Variants in CDH1 observed in about 807,000 individuals in gnomAD.
CDH1 encodes the protein cadherin 1, also known as cadherin-1.
In CDH1, 35 loss-of-function variants were observed where a neutral mutation model predicts 84.5. That is an observed-to-expected ratio of 0.41 (90% confidence interval 0.32 to 0.55). The LOEUF is 0.55. CDH1 is among the 20% of genes least tolerant of loss of function. CDH1 has a pLI of 0.19. For missense variants in CDH1, 994 were observed against 1,126.6 expected (o/e 0.88, Z 1.68); for synonymous variants, 417 against 439.0 (o/e 0.95, Z 0.63).
chr16:68,821,918 A>C, intron 11 of CDH1, 83 bp from the exon 12 acceptor site: 1 of 1,096,842 alleles, frequency 9.1e-7, no homozygotes, highest in Non-Finnish European at 1.4e-6. Context: ...AGCCAGGACA[A>C]GATCTAGACT....
intron 3 of CDH1, among the ~76,000 whole-genome samples, chr16:68,806,122 A>ATGTTTATTTATTTATT (rs377407300): frequency 5.5e-5 from 8 of 144,434 alleles, no homozygotes; most frequent in African/African-American, 2.1e-4. Context: ...TAATTTTTGT[A>ATGTTTATTTATTTATT]TATTTATTTA....
At chr16:68,781,941 C>G (rs1959892294) in intron 2 of CDH1, among the ~76,000 whole-genome samples, 1 of 152,160 alleles carries the variant, frequency 6.6e-6, no homozygotes, top group African/African-American at 2.4e-5. Flanking sequence ...GCACTCACTG[C>G]TAAGGCCTCA....
intron 9 of CDH1, among the ~76,000 whole-genome samples, chr16:68,815,062 C>A (rs1348847478): frequency 6.6e-6 from 1 of 151,922 alleles, no homozygotes; most frequent in Non-Finnish European, 1.5e-5. Flanking sequence ...GTCGTCTCTA[C>A]TAAAAATACA....
rs1178759799 is a variant in CDH1 at position 68,822,179 on chromosome 16, A to G, written c.1890A>G (p.Leu630=). 2.5e-6 allele frequency: 4 copies of G among 1,614,108 alleles called. No homozygotes were observed. The highest frequency in any genetic ancestry group is 2.5e-6 in the Non-Finnish European group (3 of 1,180,004). The change falls in exon 12 of 16, where the codon CTA becomes CTG. Residue 630 remains leucine, a synonymous_variant. Transcript: ENST00000261769. ...ATACATCTCCCTTCACAGCAGAACTAACACACGGGGCGAGTGCCAACTGGA... is the reference window on the plus strand; with the variant it reads ...ATACATCTCCCTTCACAGCAGAACTGACACACGGGGCGAGTGCCAACTGGA... The part of the protein sequence containing the change: ...PPNTSPFTAE[L]THGASANWTI...
chr16:68,796,918 G>T (rs552288941), intron 2 of CDH1, among the ~76,000 whole-genome samples: 1 of 151,698 alleles, frequency 6.6e-6, no homozygotes, highest in African/African-American at 2.4e-5. Flanking sequence ...TTGGTGGATC[G>T]CTTGAGGCCA....
chr16:68,818,533 CT>C (rs869272949), intron 10 of CDH1, among the ~76,000 whole-genome samples: 17,341 of 123,298 alleles, frequency 0.14, 2,164 homozygotes, highest in African/African-American at 0.35. Context: ...TCTTGGTTTT[CT>C]TTTTTTTTTT....
In CDH1 at chr16:68,762,456, T is replaced by G. The variant is rs567102391; in HGVS notation, c.163+24045T>G. On this transcript the variant is annotated intron_variant, in intron 2 of 15. Transcript: ENST00000261769. The stretch of plus-strand genomic sequence containing the variant: ...GAGGGGCTCTTTGCTGTGGGAGGAT[T>G]AGGCTGCAGGGTTACCCCATAACCC... Among the ~76,000 whole-genome samples, 4 of 152,258 alleles carry G rather than the reference T, an allele frequency of 2.6e-5. No individual in the cohort carries two copies. The East Asian group carries it at 7.7e-4, about 29-fold the overall frequency.
At chr16:68,829,947 T>A in intron 15 of CDH1, 150 bp downstream of exon 15, 1 of 717,874 alleles carries the variant, frequency 1.4e-6, no homozygotes, top group Non-Finnish European at 2.1e-6. Flanking sequence ...CTTTTTCTTT[T>A]TTTTTCTTTT....
At chr16:68,826,989 G>A (rs1053314498) in intron 13 of CDH1, among the ~76,000 whole-genome samples, 3 of 152,064 alleles carry the variant, frequency 2.0e-5, no homozygotes, top group African/African-American at 4.8e-5. Context: ...ATTATGCTTC[G>A]GCCGGGCGTG....
rs983579413 is a variant in CDH1 at position 68,737,352 on chromosome 16, G to A, written c.-64G>A. ...CGGAAGTCAGTTCAGACTCCAGCCC[G>A]CTCCAGCCCGGCCCGACCCGACCGC... is the stretch of plus-strand genomic sequence containing the variant. On this transcript the variant is annotated 5_prime_UTR_variant, in exon 1 of 16. Coordinates refer to ENST00000261769, the MANE Select transcript of CDH1 (RefSeq NM_004360.5). The A allele has an allele frequency of 2.9e-6, 4 of 1,398,662 alleles. No individual in the cohort carries two copies. Among genetic ancestry groups the A allele is most frequent in the Non-Finnish European group, 3.9e-6 (4 of 1,032,466 alleles). The allele number at this position is 1,398,662 out of a possible 1,614,324, so 86.6% of individuals were successfully genotyped here.
chr16:68,815,726 A>G lies in CDH1; in HGVS notation c.1532A>G (p.Gln511Arg), dbSNP rs1555516178. 1 of 1,614,270 alleles carries G rather than the reference A, an allele frequency of 6.2e-7. No homozygotes were observed. The highest frequency in any genetic ancestry group is 8.5e-7 in the Non-Finnish European group (1 of 1,180,044). ...VGQEITSYTAQEPDTFMEQKI... is the reference protein window; with the variant it reads ...VGQEITSYTAREPDTFMEQKI... ...CAGGAAATCACATCCTACACTGCCCAGGAGCCAGACACATTTATGGAACAG... is the reference window on the plus strand; with the variant it reads ...CAGGAAATCACATCCTACACTGCCCGGGAGCCAGACACATTTATGGAACAG... Residue 511 changes from glutamine to arginine, a missense_variant, in exon 10 of 16, where the codon CAG becomes CGG. Physicochemically the swap from Gln to Arg is conservative, Grantham distance 43 (BLOSUM62 1). This residue lies in a region of CDH1 where 769 missense variants were observed against 881.8 expected (regional missense o/e 0.87). Transcript: ENST00000261769.
intron 10 of CDH1, 123 bp from the exon 11 acceptor site, chr16:68,819,157 A>G: frequency 9.1e-7 from 1 of 1,101,656 alleles, no homozygotes; most frequent in Non-Finnish European, 1.4e-6. Context: ...CGACCGGCCT[A>G]TTGTTGGTTT....
chr16:68,820,707 T>C (rs1195908132), intron 11 of CDH1, among the ~76,000 whole-genome samples: 3 of 152,086 alleles, frequency 2.0e-5, no homozygotes, highest in African/African-American at 7.2e-5. Context: ...AATACCCATG[T>C]GGGTGAAATT....
intron 3 of CDH1, among the ~76,000 whole-genome samples, chr16:68,806,168 T>A (rs1421844803): frequency 4.2e-5 from 5 of 118,258 alleles, no homozygotes; most frequent in Non-Finnish European, 7.3e-5. Context: ...TTATTTATTT[T>A]TGAGACAGAA....
intron 3 of CDH1, among the ~76,000 whole-genome samples, chr16:68,803,300 C>G (rs1456223692): frequency 6.6e-6 from 1 of 152,154 alleles, no homozygotes; most frequent in Non-Finnish European, 1.5e-5. Flanking sequence ...AGCTCCTTGA[C>G]TCAAAGTCTC....
rs876660603 is a variant in CDH1, at chr16:68,822,165, T to G, written c.1876T>G (p.Phe626Val). 3 of 1,614,112 alleles carry G rather than the reference T, an allele frequency of 1.9e-6. No individual in the cohort carries two copies. Among genetic ancestry groups the G allele is most frequent in the Non-Finnish European group, 2.5e-6 (3 of 1,179,996 alleles). ...DADLPPNTSPFTAELTHGASA... is the reference protein window; with the variant it reads ...DADLPPNTSPVTAELTHGASA... ...AGACCTTCCTCCCAATACATCTCCC[T>G]TCACAGCAGAACTAACACACGGGGC... Residue 626 changes from phenylalanine (F) to valine (V), a missense_variant, in exon 12 of 16, where the codon TTC becomes GTC. Coordinates refer to ENST00000261769, the MANE Select transcript of CDH1 (RefSeq NM_004360.5).
At chr16:68,818,239 CA>C (rs576537213) in intron 10 of CDH1, among the ~76,000 whole-genome samples, 192 of 83,514 alleles carry the variant, frequency 2.3e-3, no homozygotes, top group Admixed American at 2.6e-3. Flanking sequence ...GACTCTGTCC[CA>C]AAAAAAAAAA....
At chr16:68,813,185 C>A in intron 8 of CDH1, 128 bp from the exon 9 acceptor site, 4 of 960,224 alleles carry the variant, frequency 4.2e-6, no homozygotes, top group East Asian at 2.5e-5. Flanking sequence ...CAAATACACT[C>A]CAGCCTGGTG....
At position 68,778,775 on chromosome 16, in the gene CDH1, G is replaced by A. The variant is rs537735242; in HGVS notation, c.164-22895G>A. Among the ~76,000 whole-genome samples the A allele has an allele frequency of 5.9e-5, 9 of 152,332 alleles. No homozygotes were observed. In the South Asian group the frequency reaches 1.9e-3, roughly 32 times the overall value. ...CTGCCCTGTCAGCAGAAACGGTGCA[G>A]TCACAATGAGAAGGGAAAGAGTATT... On this transcript the variant is annotated intron_variant, in intron 2 of 15. Transcript: ENST00000261769.
Sources: gnomAD v4.1 joint callset for allele counts (sites outside exome capture counted in the v4.1 genomes callset) on GRCh38, gnomAD v4.1.1 for gene constraint, gnomAD v4.1.1 regional missense constraint, MANE v1.5 for transcripts, NCBI Gene and HGNC (gene_info 2026-07-23, HGNC 2026-07-21) for gene names.